The following ARSA variants were observed in gnomAD, a reference collection of about 807,000 sequenced individuals.
The protein encoded by ARSA is cerebroside-sulfatase.
A neutral mutation model predicts 37.8 loss-of-function variants in ARSA; 32 were observed. The observed-to-expected ratio is 0.85, with a 90% CI of 0.64 to 1.14. The LOEUF is 1.14. Ranked by LOEUF, ARSA falls within the 50% of genes most tolerant of loss-of-function variation. ARSA has a pLI of 0.00. For synonymous variants in ARSA, 303 were observed against 303.4 expected, an observed-to-expected ratio of 1.00 and a Z score of 0.01; for missense variants, 685 against 686.3, an observed-to-expected ratio of 1.00 and a Z score of 0.02.
In ARSA at chr22:50,625,410, A is replaced by G. The variant is rs1569077446; in HGVS notation, c.1265T>C (p.Leu422Pro). 6.3e-7 allele frequency: 1 copy of G among 1,597,250 alleles called. No homozygotes were observed. ...ADPACHASSS[L>P]TAHEPPLLYD... The stretch of plus-strand genomic sequence containing the variant: ...GAGCAGCGGGGGCTCATGAGCAGTC[A>G]GAGAGCTGGAGGCGTGGCAGGCAGG... Residue 422 changes from leucine (L) to proline (P), a missense_variant, in exon 8 of 8, where the codon CTG becomes CCG. Coordinates refer to ENST00000216124, the MANE Select transcript of ARSA (RefSeq NM_000487.6).
Position 50,626,814 on chromosome 22 carries a change from G to C in ARSA, c.684+20C>G. The stretch of plus-strand genomic sequence containing the variant: ...GGTAGGGGTCACGGGCAGCCAGGGG[G>C]TTGGGCCAAGATCACTTACGTGAGA... On this transcript the variant is annotated intron_variant, in intron 3 of 7. Coordinates refer to ENST00000216124, the MANE Select transcript of ARSA (RefSeq NM_000487.6). 6.2e-7 allele frequency: 1 copy of C among 1,611,434 alleles called. No individual in the cohort carries two copies. Among genetic ancestry groups the C allele is most frequent in the Non-Finnish European group, 8.5e-7 (1 of 1,177,982 alleles).
rs1368356436 is a variant in ARSA at position 50,625,348 on chromosome 22, G to A, written c.1327C>T (p.Leu443=). The A allele has an allele frequency of 6.2e-7, 1 of 1,611,348 alleles. No homozygotes were observed. The highest frequency in any genetic ancestry group is 1.3e-5 in the African/African-American group (1 of 74,908). The part of the protein sequence containing the change: ...LSKDPGENYN[L]LGGVAGATPE... ...GTGGCCCCGGCCACACCCCCCAGCA[G>A]GTTGTAGTTCTCACCAGGGTCCTTG... The change falls in exon 8 of 8, where the codon CTG becomes TTG. Residue 443 remains leucine, a synonymous_variant. Coordinates refer to ENST00000216124, the MANE Select transcript of ARSA (RefSeq NM_000487.6).
rs140158705 is a variant in ARSA, at chr22:50,625,424, G to A, written c.1251C>T (p.His417=). 203 of 1,595,790 alleles carry A rather than the reference G, an allele frequency of 1.3e-4. 3 individuals carry two copies. The African/African-American group carries it at 2.1e-3, about 17-fold the overall frequency. ...HSDTTADPAC[H]ASSSLTAHEP... is the part of the protein sequence containing the mutation. ...CATGAGCAGTCAGAGAGCTGGAGGC[G>A]TGGCAGGCAGGGTCTGCAGTGGTAT... Residue 417 remains histidine (H), a synonymous_variant, in exon 8 of 8, where the codon CAC becomes CAT. Coordinates refer to ENST00000216124, the MANE Select transcript of ARSA (RefSeq NM_000487.6).
Position 50,626,712 on chromosome 22 carries a change from C to T in ARSA, c.733G>A (p.Gly245Ser), listed in dbSNP as rs1206477204. The change falls in exon 4 of 8, where the codon GGC becomes AGC. Residue 245 changes from glycine to serine, a missense_variant. Gly to Ser is a moderately conservative substitution (Grantham distance 56). Transcript: ENST00000216124. ...AGGGAGTCCCCAAATGGCCCGCGGC[C>T]TGAACGCTCTGCAAAGCTCTGCCCA... ...FSGQSFAERS[G>S]RGPFGDSLME... 1 of 1,614,030 alleles carries T rather than the reference C, an allele frequency of 6.2e-7. No individual in the cohort carries two copies. The highest frequency in any genetic ancestry group is 1.3e-5 in the African/African-American group (1 of 74,948).
Position 50,627,386 on chromosome 22 carries a change from C to G in ARSA, c.245G>C (p.Arg82Pro), listed in dbSNP as rs769892461. 3.1e-6 allele frequency: 5 copies of G among 1,607,436 alleles called. No homozygotes were observed. Among genetic ancestry groups the G allele is most frequent in the Non-Finnish European group, 4.2e-6 (5 of 1,178,734 alleles). ...GTACATGCCCATCCGAACCGGGAGC[C>G]GGCCGGTCAGGAGGGCGGCCCTGCG... ...TPSRAALLTGRLPVRMGMYPG... is the reference protein window; with the variant it reads ...TPSRAALLTGPLPVRMGMYPG... The change falls in exon 2 of 8, where the codon CGG (arginine) becomes CCG (proline). Residue 82 changes from arginine (R) to proline (P), a missense_variant. Physicochemically the swap from Arg to Pro is moderately radical, Grantham distance 103. Coordinates refer to ENST00000216124, the MANE Select transcript of ARSA (RefSeq NM_000487.6).
intron 6 of ARSA, 26 bp from the exon 7 acceptor site, chr22:50,625,707 G>C (rs780485472): frequency 6.9e-6 from 11 of 1,604,946 alleles, no homozygotes; most frequent in Non-Finnish European, 9.4e-6. Context: ...GGGGTCACGG[G>C]GCGGGGCAGG....
In ARSA at chr22:50,626,390, T is replaced by C. The variant is rs762672; in HGVS notation, c.855-112A>G. The C allele has an allele frequency of 0.79, 1,212,430 of 1,540,906 alleles. 478,121 individuals are homozygous for C. The highest frequency in any genetic ancestry group is 0.94 in the East Asian group (39,767 of 42,188). ...AAAGCTTGCCCGGAGGTGCCCAGCA[T>C]GAGCCCGGCACCTCCCAGGCCTACC... On this transcript the variant is annotated intron_variant, in intron 4 of 7. Transcript: ENST00000216124.
At position 50,627,352 on chromosome 22, in the gene ARSA, G is replaced by T; in HGVS notation, c.279C>A (p.Val93=). ...LPVRMGMYPG[V]LVPSSRGGLP... is the part of the protein sequence containing the mutation. ...GGCCCCCCCGGGAGCTGGGCACCAG[G>T]ACGCCAGGGTACATGCCCATCCGAA... The change falls in exon 2 of 8, where the codon GTC becomes GTA. Residue 93 remains valine, a synonymous_variant. Coordinates refer to ENST00000216124, the MANE Select transcript of ARSA (RefSeq NM_000487.6). The T allele has an allele frequency of 6.3e-7, 1 of 1,599,418 alleles. No homozygotes were observed. The highest frequency in any genetic ancestry group is 8.5e-7 in the Non-Finnish European group (1 of 1,174,624).
At chr22:50,625,555 G>GA in intron 7 of ARSA, 24 bp downstream of exon 7, 1 of 1,609,888 alleles carries the variant, frequency 6.2e-7, no homozygotes, top group Non-Finnish European at 8.5e-7. Flanking sequence ...AGGTCGGGGG[G>GA]AGGGATCCAC....
rs1019747040 is a variant in ARSA, at chr22:50,623,488, G to A, written c.*1657C>T. On this transcript the variant is annotated 3_prime_UTR_variant, in exon 8 of 8. Transcript: ENST00000216124. Reference sequence around the variant, plus strand: ...AGGGTCTCACTCTGTCCCCGAGGCTGGAGTGCAGTGGTACAATTATAGCTC... The same window carrying A: ...AGGGTCTCACTCTGTCCCCGAGGCTAGAGTGCAGTGGTACAATTATAGCTC... 7.9e-5 allele frequency among the ~76,000 whole-genome samples: 12 copies of A among 152,190 alleles called. No homozygotes were observed. The highest frequency in any genetic ancestry group is 2.7e-4 in the African/African-American group (11 of 41,442).
At chr22:50,627,486 C>T (rs1296198143) in intron 1 of ARSA, 70 bp downstream of exon 1, 1 of 1,589,658 alleles carries the variant, frequency 6.3e-7, no homozygotes, top group Non-Finnish European at 8.6e-7. Context: ...TTTTTCCCGC[C>T]CCCCTGCAAT....
Position 50,627,989 on chromosome 22 carries a change from A to G in ARSA, c.-210T>C. ...GACGGAACTCCTCCAGGACCAGGGC[A>G]CCTTCAGATTCTCGAGCGGAGATCT... On this transcript the variant is annotated 5_prime_UTR_variant, in exon 1 of 8. Transcript: ENST00000216124. 3.4e-6 allele frequency: 2 copies of G among 584,492 alleles called. No individual in the cohort carries two copies. The allele number at this position is 584,492 out of a possible 1,614,324, so 36.2% of individuals were successfully genotyped here.
In ARSA at chr22:50,627,714, C is replaced by T. The variant is rs752921449; in HGVS notation, c.66G>A (p.Pro22=). Residue 22 remains proline, a synonymous_variant, in exon 1 of 8, where the codon CCG becomes CCA. Coordinates refer to ENST00000216124, the MANE Select transcript of ARSA (RefSeq NM_000487.6). ...CGGCAAAGATCAGCACGATGTTGGG[C>T]GGACGGGCAACGGCCAGGCCAGCAG... is the stretch of plus-strand genomic sequence containing the variant. ...ALAAGLAVAR[P]PNIVLIFADD... The T allele has an allele frequency of 1.3e-6, 2 of 1,554,586 alleles. No homozygotes were observed. The highest frequency in any genetic ancestry group is 8.7e-7 in the Non-Finnish European group (1 of 1,149,066).
rs60504011 is a variant in ARSA at position 50,627,219 on chromosome 22, G to A, written c.412C>T (p.Pro138Ser). 2 of 1,611,904 alleles carry A rather than the reference G, an allele frequency of 1.2e-6. No homozygotes were observed. The highest frequency in any genetic ancestry group is 1.7e-6 in the Non-Finnish European group (2 of 1,179,304). The change falls in exon 2 of 8, where the codon CCC (proline) becomes TCC (serine). Residue 138 changes from proline (P) to serine (S), a missense_variant. By Grantham distance (74) the Pro-to-Ser change is moderately conservative (BLOSUM62 -1). Coordinates refer to ENST00000216124, the MANE Select transcript of ARSA (RefSeq NM_000487.6). ...AATCGATGGAAGCCCTGATGGGGGG[G>A]CAGGAAGGCCCCCTCAGGCCCCACC... ...LGVGPEGAFL[P>S]PHQGFHRFLG...
rs1323138489 is a variant in ARSA at position 50,625,992 on chromosome 22, G to C, written c.1051C>G (p.Pro351Ala). Residue 351 changes from proline (P) to alanine (A), a missense_variant, in exon 6 of 8, where the codon CCC becomes GCC. Pro to Ala is a conservative substitution (Grantham distance 27). Coordinates refer to ENST00000216124, the MANE Select transcript of ARSA (RefSeq NM_000487.6). ...TCAAAGCCATCCAAGGTGACATTGG[G>C]CAGTGGGGCCCCAGCCAGGGCTGCC... is the stretch of plus-strand genomic sequence containing the variant. ...TLAALAGAPL[P>A]NVTLDGFDLS... is the part of the protein sequence containing the mutation. The C allele has an allele frequency of 6.3e-7, 1 of 1,577,442 alleles. No homozygotes were observed.
rs532767446 is a variant in ARSA at position 50,625,882 on chromosome 22, G to A, written c.1107+54C>T. 233 of 1,559,112 alleles carry A rather than the reference G, an allele frequency of 1.5e-4. 1 individual carries two copies. In the South Asian group the frequency reaches 2.6e-3, roughly 17 times the overall value. On this transcript the variant is annotated intron_variant, in intron 6 of 7. Coordinates refer to ENST00000216124, the MANE Select transcript of ARSA (RefSeq NM_000487.6). Reference sequence around the variant, plus strand: ...TCAGGCACTGCCCACACTCACCCCAGGGGAAGGCCAGGACAGGGGCCAAGG... The same window carrying A: ...TCAGGCACTGCCCACACTCACCCCAAGGGAAGGCCAGGACAGGGGCCAAGG...
chr22:50,626,102 C>T (rs759968140), intron 5 of ARSA, 39 bp from the exon 6 acceptor site: 1 of 1,600,136 alleles, frequency 6.2e-7, no homozygotes, highest in Non-Finnish European at 8.5e-7. Context: ...AGTTCGCCAT[C>T]AAGGTTGGGG....
In ARSA at chr22:50,624,872, C is replaced by T. The variant is rs1254951389; in HGVS notation, c.*273G>A. Reference sequence around the variant, plus strand: ...AAGGCGCCAGGGCAGCTTCCAGAGCCACGACACCAGGGTTCAAATCCCAGC... The same window carrying T: ...AAGGCGCCAGGGCAGCTTCCAGAGCTACGACACCAGGGTTCAAATCCCAGC... On this transcript the variant is annotated 3_prime_UTR_variant, in exon 8 of 8. Coordinates refer to ENST00000216124, the MANE Select transcript of ARSA (RefSeq NM_000487.6). The T allele has an allele frequency of 4.4e-6, 2 of 452,664 alleles. No individual in the cohort carries two copies. Among genetic ancestry groups the T allele is most frequent in the Non-Finnish European group, 7.9e-6 (2 of 253,018 alleles). 28.0% of individuals were successfully genotyped at this position (452,664 alleles called of 1,614,324 possible). A position where few individuals can be genotyped will look rare whatever the true frequency, so the allele number is the denominator to read the frequency against.
Position 50,627,409 on chromosome 22 carries a change from G to C in ARSA, c.225-3C>G, listed in dbSNP as rs756812838. 1 of 1,608,318 alleles carries C rather than the reference G, an allele frequency of 6.2e-7. No individual in the cohort carries two copies. The highest frequency in any genetic ancestry group is 2.2e-5 in the East Asian group (1 of 44,826). On this transcript the variant is annotated splice_region_variant and splice_polypyrimidine_tract_variant and intron_variant, in intron 1 of 7. Coordinates refer to ENST00000216124, the MANE Select transcript of ARSA (RefSeq NM_000487.6). Reference sequence around the variant, plus strand: ...GCCGGCCGGTCAGGAGGGCGGCCCTGCGGGACAAGTCACAGAGTCCCTGAG... The same window carrying C: ...GCCGGCCGGTCAGGAGGGCGGCCCTCCGGGACAAGTCACAGAGTCCCTGAG...
Sources: allele counts gnomAD v4.1 joint callset (sites outside exome capture counted in the v4.1 genomes callset), GRCh38; gene constraint gnomAD v4.1.1; transcripts MANE v1.5; gene names NCBI Gene and HGNC (gene_info 2026-07-23, HGNC 2026-07-21).